Variants in MAP2K4 observed in about 807,000 individuals in gnomAD.
The protein encoded by MAP2K4 is dual specificity mitogen-activated protein kinase kinase 4.
Under a neutral mutation model 48.5 loss-of-function variants are expected in MAP2K4, and 4 were observed. That is an observed-to-expected ratio of 0.08 (90% CI 0.04 to 0.19). The LOEUF (loss-of-function observed/expected upper bound fraction) is 0.19. MAP2K4 is among the 10% of genes least tolerant of loss of function. The pLI is 1.00. For missense variants in MAP2K4, 258 were observed against 493.3 expected, an observed-to-expected ratio of 0.52 and a Z score of 4.52; for synonymous variants, 166 against 173.1, an observed-to-expected ratio of 0.96 and a Z score of 0.32.
At chr17:12,104,789 T>C (rs181857849) in intron 4 of MAP2K4, among the ~76,000 whole-genome samples, 3 of 152,142 alleles carry the variant, frequency 2.0e-5, no homozygotes, top group African/African-American at 2.4e-5. Context: ...ATTTGTTGTT[T>C]TTATGTGTGT....
intron 7 of MAP2K4, among the ~76,000 whole-genome samples, chr17:12,123,640 G>A (rs2151586162): frequency 6.6e-6 from 1 of 151,848 alleles, no homozygotes; most frequent in Admixed American, 6.6e-5. Context: ...GATTTGAGAT[G>A]TCTTCTCTTC....
At chr17:12,071,040 G>C (rs1174545466) in intron 2 of MAP2K4, among the ~76,000 whole-genome samples, 9 of 152,184 alleles carry the variant, frequency 5.9e-5, no homozygotes, top group Admixed American at 5.9e-4. Flanking sequence ...GCTTGTGGCA[G>C]CATAACCGTA....
At chr17:12,055,224 G>A (rs28918115) in intron 2 of MAP2K4, among the ~76,000 whole-genome samples, 1,566 of 152,120 alleles carry the variant, frequency 0.01, 25 homozygotes, top group African/African-American at 0.036. Context: ...ACAAAATAGA[G>A]TCCCATCTTA....
intron 2 of MAP2K4, among the ~76,000 whole-genome samples, chr17:12,071,697 A>C (rs1286900081): frequency 6.6e-6 from 1 of 152,234 alleles, no homozygotes; most frequent in African/African-American, 2.4e-5. Context: ...CGGCACTGGG[A>C]AATATATATA....
At position 12,095,730 on chromosome 17, in the gene MAP2K4, A is replaced by G. The variant is rs912594901; in HGVS notation, c.513+36A>G. On this transcript the variant is annotated intron_variant, in intron 4 of 10. Transcript: ENST00000353533. Reference sequence around the variant, plus strand: ...ACTGGGTTTTAGCTGACTAATGAATATCTAATTGGGACAAATGAAGATGGC... The same window carrying G: ...ACTGGGTTTTAGCTGACTAATGAATGTCTAATTGGGACAAATGAAGATGGC... 7 of 1,603,830 alleles carry G rather than the reference A, an allele frequency of 4.4e-6. 1 individual carries two copies. The Admixed American group carries it at 5.2e-5, about 12-fold the overall frequency.
At chr17:12,089,514 C>T (rs1263511757) in intron 3 of MAP2K4, among the ~76,000 whole-genome samples, 3 of 152,150 alleles carry the variant, frequency 2.0e-5, no homozygotes, top group South Asian at 2.1e-4. Flanking sequence ...TGATTGAATT[C>T]GTTACCTTGC....
chr17:12,135,551 G>A (rs1334355882), intron 9 of MAP2K4, among the ~76,000 whole-genome samples: 1 of 151,852 alleles, frequency 6.6e-6, no homozygotes, highest in Non-Finnish European at 1.5e-5. Flanking sequence ...GCATTTTAAA[G>A]TGCCATTTAT....
chr17:12,047,366 G>A (rs1484532217), intron 1 of MAP2K4, among the ~76,000 whole-genome samples: 2 of 152,138 alleles, frequency 1.3e-5, no homozygotes, highest in South Asian at 4.1e-4. Flanking sequence ...GCATAGTAAT[G>A]CCTTTACTCC....
At chr17:12,105,903 T>G (rs1972094589) in intron 4 of MAP2K4, among the ~76,000 whole-genome samples, 2 of 152,062 alleles carry the variant, frequency 1.3e-5, no homozygotes, top group Non-Finnish European at 1.5e-5. Context: ...TTCCCTTCCT[T>G]CTCCCTTCCA....
intron 2 of MAP2K4, among the ~76,000 whole-genome samples, chr17:12,075,429 T>C (rs1299348852): frequency 6.6e-6 from 1 of 152,270 alleles, no homozygotes; most frequent in East Asian, 1.9e-4. Flanking sequence ...AAATGTAAAT[T>C]CATAAACACA....
intron 7 of MAP2K4, among the ~76,000 whole-genome samples, chr17:12,115,293 G>A (rs1326246485): frequency 6.6e-6 from 1 of 152,160 alleles, no homozygotes; most frequent in African/African-American, 2.4e-5. Context: ...TATGTTCTGA[G>A]AAGTGTGTTG....
chr17:12,076,649 G>C (rs931018417), intron 2 of MAP2K4, among the ~76,000 whole-genome samples: 4 of 152,042 alleles, frequency 2.6e-5, no homozygotes, highest in Admixed American at 2.0e-4. Context: ...CTATAATCTT[G>C]CATGTTTCGC....
intron 5 of MAP2K4, among the ~76,000 whole-genome samples, chr17:12,108,915 G>T (rs957528110): frequency 1.3e-4 from 19 of 151,902 alleles, no homozygotes; most frequent in African/African-American, 4.1e-4. Context: ...ATTTTACAAT[G>T]ATTAGTTTAG....
chr17:12,138,390 C>A (rs544863855), intron 9 of MAP2K4, among the ~76,000 whole-genome samples: 29 of 152,030 alleles, frequency 1.9e-4, no homozygotes, highest in African/African-American at 7.0e-4. Flanking sequence ...TGTATTATTA[C>A]AATGAAGTAA....
chr17:12,118,485 A>G (rs1422070013), intron 7 of MAP2K4, among the ~76,000 whole-genome samples: 1 of 152,162 alleles, frequency 6.6e-6, no homozygotes, highest in East Asian at 1.9e-4. Context: ...TTTCATAAAC[A>G]TTTTGTACCA....
At chr17:12,094,146 G>A (rs573954725) in intron 3 of MAP2K4, among the ~76,000 whole-genome samples, 1 of 152,214 alleles carries the variant, frequency 6.6e-6, no homozygotes, top group Admixed American at 6.5e-5. Flanking sequence ...TTGTTTATCT[G>A]AGCATTGATA....
chr17:12,046,083 G>A (rs1050861551), intron 1 of MAP2K4, among the ~76,000 whole-genome samples: 15 of 152,170 alleles, frequency 9.9e-5, no homozygotes, highest in African/African-American at 2.4e-4. Context: ...AGATTAGGCC[G>A]TTCTTATTAA....
At chr17:12,052,911 C>T (rs563927921) in intron 1 of MAP2K4, among the ~76,000 whole-genome samples, 2 of 152,146 alleles carry the variant, frequency 1.3e-5, no homozygotes, top group South Asian at 4.1e-4. Context: ...TCATATCCTT[C>T]CCATGTGCAA....
chr17:12,078,067 G>T (rs1208882640), intron 2 of MAP2K4, among the ~76,000 whole-genome samples: 1 of 152,186 alleles, frequency 6.6e-6, no homozygotes, highest in Non-Finnish European at 1.5e-5. Flanking sequence ...TTTGGGGTTA[G>T]GGCCTTAACA....
Sources: gnomAD v4.1 joint callset for allele counts (sites outside exome capture counted in the v4.1 genomes callset) on GRCh38, gnomAD v4.1.1 for gene constraint, MANE v1.5 for transcripts, NCBI Gene and HGNC (gene_info 2026-07-23, HGNC 2026-07-21) for gene names.